Variants in LRRTM1 observed in about 807,000 individuals in gnomAD.
LRRTM1 encodes the protein leucine-rich repeat transmembrane neuronal protein 1.
Under a neutral mutation model 37.3 loss-of-function variants are expected in LRRTM1, and 8 were observed. The observed-to-expected ratio is 0.21, with a 90% confidence interval of 0.13 to 0.39. LRRTM1 has a LOEUF of 0.39. LRRTM1 is among the 10% of genes least tolerant of loss of function. LRRTM1 has a pLI of 1.00. For synonymous variants in LRRTM1, 326 were observed against 316.8 expected, an observed-to-expected ratio of 1.03 and a Z score of -0.31; for missense variants, 557 against 691.0, an observed-to-expected ratio of 0.81 and a Z score of 2.17.
At chr2:80,300,284 GTGTGTGTGTGT>G (rs1676153495), downstream of LRRTM1, among the ~76,000 whole-genome samples, 2 of 12,086 alleles carry the variant, frequency 1.7e-4, no homozygotes, top group African/African-American at 4.6e-4. Flanking sequence ...GTGTTGGGGT[GTGTGTGTGTGT>G]GTGTGTGTGT....
chr2:80,291,801 T>C lies in LRRTM1; in HGVS notation c.*307-2606A>G, dbSNP rs559988996. 3.3e-5 allele frequency among the ~76,000 whole-genome samples: 5 copies of C among 152,300 alleles called. No individual in the cohort carries two copies. In the South Asian group the frequency reaches 8.3e-4, roughly 25 times the overall value. On this transcript the variant is annotated intron_variant and NMD_transcript_variant, in intron 2 of 2. Transcript: ENST00000417012. ...GCTGGCTGCTAGCCTTCAGCTCCTA[T>C]GAAAACTGGAAGATGTGTGTGCACA...
In LRRTM1 at chr2:80,303,176, T is replaced by A; in HGVS notation, c.644A>T (p.His215Leu). 1.2e-6 allele frequency: 2 copies of A among 1,614,004 alleles called. No homozygotes were observed. Among genetic ancestry groups the A allele is most frequent in the Non-Finnish European group, 1.7e-6 (2 of 1,179,972 alleles). The change falls in exon 2 of 2, where the codon CAC (histidine) becomes CTC (leucine). Residue 215 changes from histidine to leucine, a missense_variant. By Grantham distance (99) the His-to-Leu change is moderately conservative. This residue lies in a region of LRRTM1 where 200 missense variants were observed against 249.9 expected (regional missense o/e 0.80). Coordinates refer to ENST00000295057, the MANE Select transcript of LRRTM1 (RefSeq NM_178839.5). This position sits in a 1 kb window ranked among gnomAD's most constrained non-coding sequence, Gnocchi z 7.7. ...CTTGACCAAGTCGTTGTGCTCGAGG[T>A]GCAGCTCGGTGAGCTTAAACAAGCC... ...FAGLFKLTEL[H>L]LEHNDLVKVN... is the part of the protein sequence containing the mutation.
intron 2 of LRRTM1, among the ~76,000 whole-genome samples, chr2:80,291,022 G>A (rs983437033): frequency 6.6e-6 from 1 of 152,184 alleles, no homozygotes; most frequent in Non-Finnish European, 1.5e-5. Flanking sequence ...CCAAAGCTGG[G>A]ACAGAGCATG....
At position 80,302,956 on chromosome 2, in the gene LRRTM1, G is replaced by C; in HGVS notation, c.864C>G (p.Asp288Glu). ...GCTCGATGTAGGTGAGGCGGTTGGA[G>C]TCCAGCTGCAGGGACTGCAGGTGCG... ...TVPHLQSLQL[D>E]SNRLTYIEPR... The change falls in exon 2 of 2, where the codon GAC (aspartate) becomes GAG (glutamate). Residue 288 changes from aspartate to glutamate, a missense_variant. This residue lies in a region of LRRTM1 where 200 missense variants were observed against 249.9 expected (regional missense o/e 0.80). Transcript: ENST00000295057. The surrounding 1 kb of genome is among the most constrained non-coding windows in gnomAD (Gnocchi z 6.4). The C allele has an allele frequency of 6.2e-7, 1 of 1,613,972 alleles. No individual in the cohort carries two copies. Among genetic ancestry groups the C allele is most frequent in the South Asian group, 1.1e-5 (1 of 91,050 alleles).
In LRRTM1 at chr2:80,302,490, G is replaced by A. The variant is rs1447069636; in HGVS notation, c.1330C>T (p.Leu444=). ...ALIFSFLIVV[L]VLYVSWKCFP... Reference sequence around the variant, plus strand: ...CACTTCCAGGACACGTAGAGCACCAGGACCACGATGAGGAAGGAGAAGATG... The same window carrying A: ...CACTTCCAGGACACGTAGAGCACCAAGACCACGATGAGGAAGGAGAAGATG... Residue 444 remains leucine (L), a synonymous_variant, in exon 2 of 2, where the codon CTG becomes TTG. Transcript: ENST00000295057. The surrounding 1 kb of genome is among the most constrained non-coding windows in gnomAD (Gnocchi z 6.4). The A allele has an allele frequency of 6.2e-7, 1 of 1,613,760 alleles. No homozygotes were observed. Among genetic ancestry groups the A allele is most frequent in the Non-Finnish European group, 8.5e-7 (1 of 1,180,054 alleles).
At chr2:80,296,721 C>A (rs1675778682) in intron 2 of LRRTM1, among the ~76,000 whole-genome samples, 1 of 152,178 alleles carries the variant, frequency 6.6e-6, no homozygotes, top group Non-Finnish European at 1.5e-5. Flanking sequence ...GCACTCTTGA[C>A]ATTTTAGGTC....
At chr2:80,290,386 C>A (rs1675130017) in intron 2 of LRRTM1, among the ~76,000 whole-genome samples, 1 of 152,190 alleles carries the variant, frequency 6.6e-6, no homozygotes, top group Admixed American at 6.5e-5. Flanking sequence ...TTGACCTTCT[C>A]ATTTCTTCCC....
Position 80,302,734 on chromosome 2 carries a change from C to A in LRRTM1, c.1086G>T (p.Leu362=). 1 of 1,613,126 alleles carries A rather than the reference C, an allele frequency of 6.2e-7. No individual in the cohort carries two copies. Among genetic ancestry groups the A allele is most frequent in the South Asian group, 1.1e-5 (1 of 91,036 alleles). The change falls in exon 2 of 2, where the codon CTG becomes CTT. Residue 362 remains leucine (L), a synonymous_variant. Coordinates refer to ENST00000295057, the MANE Select transcript of LRRTM1 (RefSeq NM_178839.5). This position sits in a 1 kb window ranked among gnomAD's most constrained non-coding sequence, Gnocchi z 6.4. ...DVLDAVYAFH[L]CEDGAEPTSG... ...TGGTGGGCTCGGCCCCATCCTCGCA[C>A]AGGTGGAAGGCGTACACGGCGTCCA...
chr2:80,303,715 G>A lies in LRRTM1; in HGVS notation c.105C>T (p.Ala35=). 6.2e-7 allele frequency: 1 copy of A among 1,607,652 alleles called. No homozygotes were observed. Among genetic ancestry groups the A allele is most frequent in the South Asian group, 1.1e-5 (1 of 90,178 alleles). ...LGACFQMLPA[A]PSGCPQLCRC... ...GGCACAGCTGCGGGCACCCGCTGGG[G>A]GCGGCGGGCAGCATCTGAAAGCAGG... The change falls in exon 2 of 2, where the codon GCC becomes GCT. Residue 35 remains alanine, a synonymous_variant. Coordinates refer to ENST00000295057, the MANE Select transcript of LRRTM1 (RefSeq NM_178839.5). This position sits in a 1 kb window ranked among gnomAD's most constrained non-coding sequence, Gnocchi z 7.7.
downstream of LRRTM1, among the ~76,000 whole-genome samples, chr2:80,300,279 GGGGT>G (rs1401696174): frequency 0.026 from 3,386 of 128,030 alleles, 68 homozygotes; most frequent in African/African-American, 0.043. Context: ...CTGGGGTGTT[GGGGT>G]GTGTGTGTGT....
At chr2:80,290,712 A>G (rs917904376) in intron 2 of LRRTM1, among the ~76,000 whole-genome samples, 2 of 152,106 alleles carry the variant, frequency 1.3e-5, no homozygotes, top group Admixed American at 1.3e-4. Flanking sequence ...AGTACAATTT[A>G]TTTCACCCAC....
intron 2 of LRRTM1, among the ~76,000 whole-genome samples, chr2:80,291,236 T>C (rs1207433439): frequency 2.0e-5 from 3 of 152,256 alleles, no homozygotes; most frequent in Non-Finnish European, 4.4e-5. Context: ...TGATAAGCGA[T>C]AGCAAAGGAG....
chr2:80,289,403 T>C (rs2149175228), intron 2 of LRRTM1, among the ~76,000 whole-genome samples: 1 of 152,282 alleles, frequency 6.6e-6, no homozygotes, highest in African/African-American at 2.4e-5. Context: ...CTACCCCAGT[T>C]CTCGCCTCTT....
chr2:80,300,281 G>GGGGTGT (rs1353283390), downstream of LRRTM1, among the ~76,000 whole-genome samples: 548 of 93,128 alleles, frequency 5.9e-3, 7 homozygotes, highest in Non-Finnish European at 9.5e-3. Context: ...GGGGTGTTGG[G>GGGGTGT]GTGTGTGTGT....
At chr2:80,300,556 G>A (rs1442920703), downstream of LRRTM1, among the ~76,000 whole-genome samples, 2 of 152,022 alleles carry the variant, frequency 1.3e-5, no homozygotes, top group Non-Finnish European at 2.9e-5. Context: ...ACATTTGCAT[G>A]TTGGGGGATG....
At chr2:80,290,051 T>C (rs574763505) in intron 2 of LRRTM1, among the ~76,000 whole-genome samples, 1 of 152,074 alleles carries the variant, frequency 6.6e-6, no homozygotes, top group African/African-American at 2.4e-5. Flanking sequence ...GACCTCACAG[T>C]TTTTGAAGTT....
downstream of LRRTM1, among the ~76,000 whole-genome samples, chr2:80,301,575 C>G (rs1187404782): frequency 2.0e-5 from 3 of 152,230 alleles, no homozygotes; most frequent in Non-Finnish European, 4.4e-5. Context: ...GTGCCCAGTC[C>G]TCAGTCCACC....
rs1303919675 is a variant in LRRTM1, at chr2:80,304,366, T to A, written c.-274A>T. ...AGGCGACTTCTAGGACCCGCAAGTT[T>A]CCCAACTACGTGCCGGAGCCCGAGC... On this transcript the variant is annotated 5_prime_UTR_variant, in exon 1 of 2. The change creates a premature stop within an existing upstream ORF in the 5' untranslated region. Transcript: ENST00000295057. 2 of 152,664 alleles carry A rather than the reference T, an allele frequency of 1.3e-5. No homozygotes were observed. Among genetic ancestry groups the A allele is most frequent in the Admixed American group, 1.3e-4 (2 of 15,280 alleles). 9.5% of individuals were successfully genotyped at this position (152,664 alleles called of 1,614,324 possible). A position where few individuals can be genotyped will look rare whatever the true frequency, so the allele number is the denominator to read the frequency against.
At chr2:80,292,667 C>A (rs1675369807) in intron 2 of LRRTM1, among the ~76,000 whole-genome samples, 1 of 152,168 alleles carries the variant, frequency 6.6e-6, no homozygotes, top group Admixed American at 6.5e-5. Flanking sequence ...AGGCCTATGC[C>A]AGCATAGTCC....
Sources: allele counts gnomAD v4.1 joint callset (sites outside exome capture counted in the v4.1 genomes callset), GRCh38; gene constraint gnomAD v4.1.1; regional missense constraint gnomAD v4.1.1; non-coding constraint Gnocchi (gnomAD v3.1); transcripts MANE v1.5; gene names NCBI Gene and HGNC (gene_info 2026-07-23, HGNC 2026-07-21).